Variants in DOCK1 observed in about 807,000 individuals in gnomAD.
DOCK1 encodes dedicator of cytokinesis 1.
In DOCK1, 138 loss-of-function variants were observed where a neutral mutation model predicts 262.7. That is an observed-to-expected ratio of 0.53 (90% CI 0.46 to 0.61). The LOEUF (loss-of-function observed/expected upper bound fraction) is 0.61. DOCK1 is among the 20% of genes least tolerant of loss of function. The pLI is 0.00. For synonymous variants in DOCK1, 866 were observed against 867.4 expected (o/e 1.00, Z 0.03); for missense variants, 1,908 against 2,370.7 (o/e 0.80, Z 4.05).
At chr10:126,985,916 C>T (rs1391052905) in intron 4 of DOCK1, among the ~76,000 whole-genome samples, 1 of 152,138 alleles carries the variant, frequency 6.6e-6, no homozygotes, top group African/African-American at 2.4e-5. Context: ...ACAATCTTGG[C>T]TCACTGCAAC....
intron 49 of DOCK1, among the ~76,000 whole-genome samples, chr10:127,442,982 G>T (rs1255452312): frequency 6.6e-6 from 1 of 152,206 alleles, no homozygotes; most frequent in East Asian, 1.9e-4. Context: ...CCACATGCTG[G>T]GCGGCTCCAA....
intron 27 of DOCK1, among the ~76,000 whole-genome samples, chr10:127,182,397 G>C (rs1358414899): frequency 6.6e-6 from 1 of 152,088 alleles, no homozygotes; most frequent in Non-Finnish European, 1.5e-5. Flanking sequence ...AACAAAGGAG[G>C]GCAAGCATGC....
chr10:126,954,997 C>T (rs1026356374), intron 1 of DOCK1, among the ~76,000 whole-genome samples: 16 of 152,312 alleles, frequency 1.1e-4, no homozygotes, highest in South Asian at 2.1e-4. Context: ...GGTTTTTCCG[C>T]GGCTGCACCA....
intron 1 of DOCK1, among the ~76,000 whole-genome samples, chr10:126,947,043 T>G (rs910755372): frequency 7.9e-5 from 12 of 152,222 alleles, no homozygotes; most frequent in Admixed American, 5.9e-4. Context: ...CAAGGACTGG[T>G]ACCTGGAGGC....
intron 1 of DOCK1, among the ~76,000 whole-genome samples, chr10:126,947,340 T>TTGGTGG (rs1168190903): frequency 1.7e-5 from 2 of 119,452 alleles, no homozygotes; most frequent in Non-Finnish European, 3.5e-5. Context: ...AGTATTACTG[T>TTGGTGG]TGGTGATGGT....
intron 27 of DOCK1, among the ~76,000 whole-genome samples, chr10:127,189,686 C>A (rs1056290516): frequency 2.6e-5 from 4 of 152,140 alleles, no homozygotes; most frequent in African/African-American, 9.7e-5. Context: ...ATGAAAAATA[C>A]GGTTTGAAAG....
chr10:126,988,793 C>T (rs949058865), intron 5 of DOCK1, among the ~76,000 whole-genome samples: 2 of 152,114 alleles, frequency 1.3e-5, no homozygotes, highest in Non-Finnish European at 2.9e-5. Context: ...TTTATATGGG[C>T]TGGGCGCAGT....
chr10:127,065,843 A>G (rs1463800888), intron 23 of DOCK1, among the ~76,000 whole-genome samples: 1 of 123,868 alleles, frequency 8.1e-6, no homozygotes, highest in Non-Finnish European at 1.7e-5. Context: ...AACAAGAGCA[A>G]AACTCCATCT....
intron 29 of DOCK1, among the ~76,000 whole-genome samples, chr10:127,330,107 G>A (rs2062912189): frequency 6.6e-6 from 1 of 152,120 alleles, no homozygotes; most frequent in South Asian, 2.1e-4. Context: ...GCATTTTAAG[G>A]TCTTTTCAAT....
chr10:126,966,264 G>T (rs2037670755), intron 1 of DOCK1, among the ~76,000 whole-genome samples: 1 of 151,974 alleles, frequency 6.6e-6, no homozygotes, highest in Non-Finnish European at 1.5e-5. Flanking sequence ...CCCTTCATTT[G>T]TTGTTGGACG....
At chr10:127,229,559 G>T (rs1369282647) in intron 27 of DOCK1, among the ~76,000 whole-genome samples, 2 of 151,962 alleles carry the variant, frequency 1.3e-5, no homozygotes, top group Non-Finnish European at 1.5e-5. Context: ...TCCAAATGAT[G>T]GTATTTCCAC....
At chr10:127,376,102 C>T (rs2065471862) in intron 35 of DOCK1, among the ~76,000 whole-genome samples, 1 of 152,052 alleles carries the variant, frequency 6.6e-6, no homozygotes, top group African/African-American at 2.4e-5. Flanking sequence ...GAACCAGACT[C>T]TGATACGGCA....
chr10:127,336,814 C>T lies in DOCK1; in HGVS notation c.3045-2192C>T, dbSNP rs564587673. On this transcript the variant is annotated intron_variant, in intron 29 of 51. Coordinates refer to ENST00000623213, the MANE Select transcript of DOCK1 (RefSeq NM_001290223.2). ...TTGGCCTCCCAAAGTGCTGGGATTA[C>T]AGGCGTGAGCCACCGCGCCCAGCTG... is the stretch of plus-strand genomic sequence containing the variant. 1.5e-3 allele frequency among the ~76,000 whole-genome samples: 225 copies of T among 152,318 alleles called. 3 individuals are homozygous for T. The highest frequency in any genetic ancestry group is 4.7e-3 in the African/African-American group (197 of 41,572).
At chr10:127,352,419 T>C (rs2063930634) in intron 31 of DOCK1, among the ~76,000 whole-genome samples, 1 of 152,064 alleles carries the variant, frequency 6.6e-6, no homozygotes, top group Non-Finnish European at 1.5e-5. Context: ...CACTCCTGAA[T>C]TACCCAAACC....
chr10:127,195,662 C>G (rs896554366), intron 27 of DOCK1, among the ~76,000 whole-genome samples: 4 of 152,138 alleles, frequency 2.6e-5, no homozygotes, highest in Admixed American at 6.5e-5. Flanking sequence ...CTGTCGGGCG[C>G]TCACGAAGCT....
intron 27 of DOCK1, among the ~76,000 whole-genome samples, chr10:127,247,624 A>T (rs1203489481): frequency 6.6e-6 from 1 of 152,148 alleles, no homozygotes; most frequent in East Asian, 1.9e-4. Flanking sequence ...AGTCTGGACA[A>T]CCCTGTATCA....
intron 27 of DOCK1, among the ~76,000 whole-genome samples, chr10:127,148,099 TGAAAGCATGGAGTACACAGCAATGC>T (rs764781829): frequency 2.0e-5 from 3 of 147,556 alleles, no homozygotes; most frequent in Non-Finnish European, 4.5e-5. Context: ...TATCAAACAG[TGAAAGCATGGAGTACACAGCAATGC>T]GTTTCACAAG....
At chr10:127,449,536 G>C (rs2070818330) in intron 51 of DOCK1, among the ~76,000 whole-genome samples, 1 of 152,302 alleles carries the variant, frequency 6.6e-6, no homozygotes, top group African/African-American at 2.4e-5. Context: ...TTGATAAAGG[G>C]CGTGTGAATT....
At chr10:127,154,027 A>G (rs2052775549) in intron 27 of DOCK1, 1 of 782,770 alleles carries the variant, frequency 1.3e-6, no homozygotes. Flanking sequence ...CAAGCTCATC[A>G]TGGTCATGGA....
Sources: gnomAD v4.1 joint callset for allele counts (sites outside exome capture counted in the v4.1 genomes callset) on GRCh38, gnomAD v4.1.1 for gene constraint, MANE v1.5 for transcripts, NCBI Gene and HGNC (gene_info 2026-07-23, HGNC 2026-07-21) for gene names.